Variants in VRK2 observed in about 807,000 individuals in gnomAD.
The protein encoded by VRK2 is VRK serine/threonine kinase 2.
Under a neutral mutation model 57.6 loss-of-function variants are expected in VRK2, and 60 were observed. That is an observed-to-expected ratio of 1.04 (90% CI 0.85 to 1.29). VRK2 has a LOEUF of 1.29. Among genes scored for constraint, VRK2 ranks in the 50% most tolerant of loss-of-function variants. VRK2 has a pLI of 0.00. For synonymous variants in VRK2, 231 were observed against 199.2 expected (o/e 1.16, Z -1.35); for missense variants, 705 against 588.1 (o/e 1.20, Z -2.06).
chr2:58,101,576 T>C (rs1035968306), intron 7 of VRK2, among the ~76,000 whole-genome samples: 1 of 151,724 alleles, frequency 6.6e-6, no homozygotes, highest in Non-Finnish European at 1.5e-5. Context: ...TAAGCTCTCT[T>C]TTTCTTTTTT....
At chr2:58,052,380 A>AG (rs1353137728) in intron 2 of VRK2, among the ~76,000 whole-genome samples, 1 of 152,136 alleles carries the variant, frequency 6.6e-6, no homozygotes, top group Non-Finnish European at 1.5e-5. Context: ...TGGAAGGCCC[A>AG]GGCGGGTGGA....
chr2:57,920,272 T>G (rs1670298686), intron 1 of VRK2, among the ~76,000 whole-genome samples: 1 of 152,118 alleles, frequency 6.6e-6, no homozygotes. Flanking sequence ...TCTGGATGCC[T>G]CTGTTTAGTT....
chr2:58,037,161 C>G (rs928316988), intron 3 of VRK2, among the ~76,000 whole-genome samples: 8 of 151,928 alleles, frequency 5.3e-5, no homozygotes, highest in Admixed American at 3.3e-4. Context: ...ATCTCCAATT[C>G]CTGGGCTCAG....
At chr2:58,124,249 G>A (rs895790744) in intron 8 of VRK2, among the ~76,000 whole-genome samples, 1 of 152,160 alleles carries the variant, frequency 6.6e-6, no homozygotes, top group African/African-American at 2.4e-5. Flanking sequence ...GAAAGCCATG[G>A]AAAAGGAAGT....
At position 58,064,436 on chromosome 2, in the gene VRK2, C is replaced by T. The variant is rs1158467183; in HGVS notation, c.136+15469C>T. 2.6e-5 allele frequency among the ~76,000 whole-genome samples: 4 copies of T among 152,128 alleles called. No homozygotes were observed. In the South Asian group the frequency reaches 6.2e-4, roughly 24 times the overall value. On this transcript the variant is annotated intron_variant, in intron 2 of 12. Transcript: ENST00000340157. ...CCTCCACAAGCAAAAAGATAACTTGCTAAAAGTTCAGATGATTGCTAAAAT... is the reference window on the plus strand; with the variant it reads ...CCTCCACAAGCAAAAAGATAACTTGTTAAAAGTTCAGATGATTGCTAAAAT...
intron 1 of VRK2, among the ~76,000 whole-genome samples, chr2:57,982,023 T>C (rs545584112): frequency 3.4e-4 from 52 of 152,194 alleles, no homozygotes; most frequent in Non-Finnish European, 4.9e-4. Context: ...TGATGTTCCT[T>C]TAATCTTTGA....
rs562546539 is a variant in VRK2 at position 57,989,819 on chromosome 2, T to C, written c.-438-35846T>C. 1.8e-4 allele frequency among the ~76,000 whole-genome samples: 28 copies of C among 152,360 alleles called. No individual in the cohort carries two copies. In the South Asian group the frequency reaches 5.4e-3, roughly 29 times the overall value. ...AACAATGTTTATCTCCTGTTTGTTT[T>C]ATTATTTTAAGAAAAATATATCTGA... On this transcript the variant is annotated intron_variant, in intron 1 of 15. Coordinates refer to the VRK2 transcript ENST00000417641.
At chr2:58,072,538 CT>C (rs759482619) in intron 2 of VRK2, among the ~76,000 whole-genome samples, 23 of 151,806 alleles carry the variant, frequency 1.5e-4, no homozygotes, top group Admixed American at 3.9e-4. Flanking sequence ...TCTTTTGTAG[CT>C]TATTAATGTG....
At chr2:57,936,187 C>T (rs1670897849) in intron 1 of VRK2, among the ~76,000 whole-genome samples, 1 of 152,146 alleles carries the variant, frequency 6.6e-6, no homozygotes, top group South Asian at 2.1e-4. Flanking sequence ...TGAGGCCAAG[C>T]CATGGGACCA....
At chr2:57,956,340 A>C (rs1257121019) in intron 1 of VRK2, among the ~76,000 whole-genome samples, 5 of 152,198 alleles carry the variant, frequency 3.3e-5, no homozygotes, top group Non-Finnish European at 7.3e-5. Flanking sequence ...ACCTGTGATC[A>C]TGAGACTGCA....
chr2:57,911,287 G>A (rs1191246724), intron 1 of VRK2, among the ~76,000 whole-genome samples: 1 of 152,122 alleles, frequency 6.6e-6, no homozygotes, highest in Non-Finnish European at 1.5e-5. Context: ...CTAGAGACTT[G>A]TTCTGAGAGA....
At chr2:57,988,865 T>G (rs1672678394) in intron 1 of VRK2, among the ~76,000 whole-genome samples, 1 of 152,214 alleles carries the variant, frequency 6.6e-6, no homozygotes, top group Admixed American at 6.5e-5. Context: ...GCCTCTTCTA[T>G]AGCATATGTA....
intron 8 of VRK2, among the ~76,000 whole-genome samples, chr2:58,129,831 T>C (rs1041552318): frequency 6.6e-6 from 1 of 152,140 alleles, no homozygotes; most frequent in Non-Finnish European, 1.5e-5. Context: ...AGGGTGACTA[T>C]TGGGTGTTCT....
chr2:58,077,862 A>T (rs1049316893), intron 2 of VRK2, among the ~76,000 whole-genome samples: 1 of 151,818 alleles, frequency 6.6e-6, no homozygotes, highest in East Asian at 1.9e-4. Flanking sequence ...AGTATTGTTA[A>T]CTCCCTAGAT....
upstream of VRK2, among the ~76,000 whole-genome samples, chr2:58,042,226 TG>T (rs1221527698): frequency 6.6e-6 from 1 of 152,248 alleles, no homozygotes; most frequent in Non-Finnish European, 1.5e-5. Flanking sequence ...TTATGTCATT[TG>T]GATGATTAAG....
intron 1 of VRK2, among the ~76,000 whole-genome samples, chr2:57,982,755 T>C (rs1002577376): frequency 1.3e-5 from 2 of 152,142 alleles, no homozygotes; most frequent in Non-Finnish European, 2.9e-5. Context: ...CCCTGAACTA[T>C]CCAGGTCTGG....
At chr2:58,046,697 C>T, upstream of VRK2, 1 of 985,576 alleles carries the variant, frequency 1.0e-6, no homozygotes. Context: ...CCGCGGGCCG[C>T]TGCACTGCGA....
At chr2:58,106,653 A>G (rs1417763757) in intron 7 of VRK2, among the ~76,000 whole-genome samples, 1 of 152,010 alleles carries the variant, frequency 6.6e-6, no homozygotes, top group Non-Finnish European at 1.5e-5. Flanking sequence ...TTCAGTTTGT[A>G]AATATGAATA....
At chr2:58,051,877 A>G (rs1445207920) in intron 2 of VRK2, among the ~76,000 whole-genome samples, 2 of 152,244 alleles carry the variant, frequency 1.3e-5, no homozygotes, top group Admixed American at 1.3e-4. Context: ...ATACAAGAAC[A>G]AAGTCAAAGT....
Sources: gnomAD v4.1 joint callset for allele counts (sites outside exome capture counted in the v4.1 genomes callset) on GRCh38, gnomAD v4.1.1 for gene constraint, MANE v1.5 for transcripts, NCBI Gene and HGNC (gene_info 2026-07-23, HGNC 2026-07-21) for gene names.